Variants in PCDHA4 observed in about 807,000 individuals in gnomAD.
The protein encoded by PCDHA4 is protocadherin alpha-4.
PCDHA4 carries 49 observed loss-of-function variants against 61.4 expected under a neutral mutation model. The observed-to-expected ratio is 0.80, with a 90% CI of 0.63 to 1.01. PCDHA4 has a LOEUF of 1.01. PCDHA4 is among the 50% of genes least tolerant of loss of function. PCDHA4 has a pLI of 0.00. For missense variants in PCDHA4, 1,254 were observed against 1,235.8 expected, an observed-to-expected ratio of 1.01 and a Z score of -0.22; for synonymous variants, 590 against 550.3, an observed-to-expected ratio of 1.07 and a Z score of -1.01.
At chr5:140,977,589 G>A (rs567353301) in intron 1 of PCDHA4, among the ~76,000 whole-genome samples, 15 of 152,274 alleles carry the variant, frequency 9.9e-5, no homozygotes, top group Admixed American at 2.6e-4. Flanking sequence ...AGAGCAGTTA[G>A]CATGTGAGGA....
rs1231451796 is a variant in PCDHA4, at chr5:140,869,049, G to T, written c.2385+59477G>T. On this transcript the variant is annotated intron_variant, in intron 1 of 3. Coordinates refer to ENST00000530339, the MANE Select transcript of PCDHA4 (RefSeq NM_018907.4). ...ACGAGATTTTTAACCTGAAACTGAA[G>T]AATCTGGTACTGTAAGTGTAAAGAA... 1.1e-5 allele frequency: 17 copies of T among 1,532,472 alleles called. No homozygotes were observed. The South Asian group carries it at 2.1e-4, about 19-fold the overall frequency. 94.9% of individuals were successfully genotyped at this position (1,532,472 alleles called of 1,614,324 possible).
intron 1 of PCDHA4, chr5:140,855,966 T>C (rs1554148056): frequency 7.0e-7 from 1 of 1,422,664 alleles, no homozygotes; most frequent in South Asian, 1.4e-5. Flanking sequence ...AAAATAGATA[T>C]AAGAAATAGG....
intron 1 of PCDHA4, among the ~76,000 whole-genome samples, chr5:140,900,300 A>G (rs1554189024): frequency 6.6e-6 from 1 of 151,644 alleles, no homozygotes; most frequent in Non-Finnish European, 1.5e-5. Flanking sequence ...GTTTTTTTAG[A>G]CAGTCTCACT....
At chr5:140,878,399 A>T (rs1246599611) in intron 1 of PCDHA4, among the ~76,000 whole-genome samples, 2 of 152,238 alleles carry the variant, frequency 1.3e-5, no homozygotes, top group East Asian at 3.8e-4. Flanking sequence ...TTGCTCACAA[A>T]ATATCTTCTT....
chr5:140,884,820 T>C (rs1318105542), intron 1 of PCDHA4: 4 of 1,013,184 alleles, frequency 3.9e-6, no homozygotes, highest in African/African-American at 3.3e-5. Context: ...GTGGACATTA[T>C]GTGTTGGATT....
intron 3 of PCDHA4, among the ~76,000 whole-genome samples, chr5:140,984,412 A>G (rs1189115390): frequency 5.9e-5 from 9 of 152,184 alleles, no homozygotes; most frequent in African/African-American, 2.2e-4. Flanking sequence ...TATCTTTTTT[A>G]CAGAGATAGA....
intron 1 of PCDHA4, chr5:140,881,920 T>G (rs1205220705): frequency 1.2e-5 from 3 of 257,650 alleles, no homozygotes; most frequent in African/African-American, 6.6e-5. Flanking sequence ...TTGAGCAGAA[T>G]GCAGTGATTT....
In PCDHA4 at chr5:140,807,641, T is replaced by C; in HGVS notation, c.454T>C (p.Phe152Leu). 1 of 1,614,114 alleles carries C rather than the reference T, an allele frequency of 6.2e-7. No homozygotes were observed. Among genetic ancestry groups the C allele is most frequent in the Non-Finnish European group, 8.5e-7 (1 of 1,180,028 alleles). The change falls in exon 1 of 4, where the codon TTT becomes CTT. Residue 152 changes from phenylalanine (F) to leucine (L), a missense_variant. By Grantham distance (22) the Phe-to-Leu change is conservative. Transcript: ENST00000530339. ...IAESRPLDSR[F>L]PLEGASDADI... The stretch of plus-strand genomic sequence containing the variant: ...GGAATCCAGGCCGCTTGACTCTCGG[T>C]TTCCACTAGAGGGCGCCTCGGATGC...
At position 140,899,912 on chromosome 5, in the gene PCDHA4, A is replaced by G. The variant is rs574794282; in HGVS notation, c.2386-79037A>G. The stretch of plus-strand genomic sequence containing the variant: ...AGCCTTGACATCCTGGGCTCAAGCA[A>G]TCCTCCTGCCTCAGCCTCCTGAATA... On this transcript the variant is annotated intron_variant, in intron 1 of 3. Transcript: ENST00000530339. Among the ~76,000 whole-genome samples the G allele has an allele frequency of 2.0e-5, 3 of 152,154 alleles. No homozygotes were observed. In the East Asian group the frequency reaches 5.8e-4, roughly 29 times the overall value.
In PCDHA4 at chr5:140,807,397, C is replaced by T; in HGVS notation, c.210C>T (p.Gly70=). Residue 70 remains glycine, a synonymous_variant, in exon 1 of 4, where the codon GGC becomes GGT. Transcript: ENST00000530339. ...VPRLFRVASK[G]RGGLLEVNLQ... ...GCCTGTTCCGGGTGGCGTCCAAGGG[C>T]CGCGGAGGCCTTCTGGAGGTAAATC... 1 of 1,344,452 alleles carries T rather than the reference C, an allele frequency of 7.4e-7. No individual in the cohort carries two copies. The highest frequency in any genetic ancestry group is 1.0e-6 in the Non-Finnish European group (1 of 1,004,954). 83.3% of individuals were successfully genotyped at this position (1,344,452 alleles called of 1,614,324 possible). A position where few individuals can be genotyped will look rare whatever the true frequency, so the allele number is the denominator to read the frequency against.
At chr5:140,836,630 A>G in intron 1 of PCDHA4, 3 of 1,613,502 alleles carry the variant, frequency 1.9e-6, no homozygotes, top group South Asian at 1.1e-5. Flanking sequence ...GGAGCTGGTC[A>G]TTCTCCCAGC....
intron 1 of PCDHA4, chr5:140,966,279 G>C (rs1429727504): frequency 3.3e-5 from 12 of 364,508 alleles, no homozygotes; most frequent in Non-Finnish European, 4.9e-5. Context: ...ACTGGACAGT[G>C]GGGGTAGGGA....
chr5:140,922,581 C>T (rs893700923), intron 1 of PCDHA4, among the ~76,000 whole-genome samples: 2 of 152,104 alleles, frequency 1.3e-5, no homozygotes, highest in Non-Finnish European at 2.9e-5. Context: ...GCCCTGTAGC[C>T]GCCAGTTCTC....
At chr5:140,990,227 A>G (rs1424384055) in intron 3 of PCDHA4, among the ~76,000 whole-genome samples, 1 of 152,134 alleles carries the variant, frequency 6.6e-6, no homozygotes, top group Non-Finnish European at 1.5e-5. Flanking sequence ...GTTTATTGTA[A>G]CTAGCGTTGT....
At position 140,993,460 on chromosome 5, in the gene PCDHA4, T is replaced by TCACACA. The variant is rs1554253699; in HGVS notation, c.2533+10898_2533+10899insACACAC. ...TTCATTCCTGTTCTCCTTCTTTCTT[T>TCACACA]CTCACACACACACACACACACACAC... On this transcript the variant is annotated intron_variant, in intron 3 of 3. Transcript: ENST00000530339. Among the ~76,000 whole-genome samples, 49 of 104,564 alleles carry TCACACA rather than the reference T, an allele frequency of 4.7e-4. 1 individual carries two copies. Among genetic ancestry groups the TCACACA allele is most frequent in the Admixed American group, 1.8e-3 (15 of 8,460 alleles). 68.6% of individuals were successfully genotyped at this position (104,564 alleles called of 152,430 possible).
chr5:140,813,496 G>T (rs1278753033), intron 1 of PCDHA4: 1 of 152,076 alleles, frequency 6.6e-6, no homozygotes, highest in Non-Finnish European at 1.5e-5. Flanking sequence ...CATCTAAAAG[G>T]TACAGTAAAA....
chr5:140,855,039 T>C lies in PCDHA4; in HGVS notation c.2385+45467T>C, dbSNP rs1287918149. ...AAACTTCTTGTATAAAGGATTTTTC[T>C]GTAATAGTACTTTTCTGTTTTCTTA... is the stretch of plus-strand genomic sequence containing the variant. On this transcript the variant is annotated intron_variant, in intron 1 of 3. Transcript: ENST00000530339. Among the ~76,000 whole-genome samples the C allele has an allele frequency of 2.0e-5, 3 of 150,016 alleles. 1 individual carries two copies. The highest frequency in any genetic ancestry group is 7.3e-5 in the African/African-American group (3 of 40,938).
rs146253628 is a variant in PCDHA4 at position 140,848,781 on chromosome 5, T to G, written c.2385+39209T>G. On this transcript the variant is annotated intron_variant, in intron 1 of 3. Coordinates refer to ENST00000530339, the MANE Select transcript of PCDHA4 (RefSeq NM_018907.4). ...TTCTCGGATCGACCGCGAGGAGCTG[T>G]GCGGGCGGAGCGCGGAGTGCAGCAT... 4,068 of 1,593,236 alleles carry G rather than the reference T, an allele frequency of 2.6e-3. 389 individuals are homozygous for G. The highest frequency in any genetic ancestry group is 3.0e-3 in the Non-Finnish European group (3,446 of 1,164,036).
At chr5:140,843,632 G>T (rs2150363931) in intron 1 of PCDHA4, 1 of 1,595,968 alleles carries the variant, frequency 6.3e-7, no homozygotes, top group South Asian at 1.1e-5. Flanking sequence ...GGACCTCATG[G>T]CCTTCAGCCC....
Sources: gnomAD v4.1 joint callset for allele counts (sites outside exome capture counted in the v4.1 genomes callset) on GRCh38, gnomAD v4.1.1 for gene constraint, MANE v1.5 for transcripts, NCBI Gene and HGNC (gene_info 2026-07-23, HGNC 2026-07-21) for gene names.